Variants in BTK observed in about 807,000 individuals in gnomAD.
BTK encodes tyrosine-protein kinase BTK.
A neutral mutation model predicts 57.4 loss-of-function variants in BTK; 5 were observed. That is an observed-to-expected ratio of 0.09 (90% CI 0.05 to 0.18). The LOEUF is 0.18. BTK is among the 10% of genes least tolerant of loss of function. The pLI, the probability that BTK is intolerant of heterozygous loss-of-function variation, is 1.00. For synonymous variants in BTK, 154 were observed against 174.3 expected (o/e 0.88, Z 0.92); for missense variants, 194 against 501.2 (o/e 0.39, Z 5.85).
At chrX:101,383,283 G>T (rs782156798) in intron 1 of BTK, among the ~76,000 whole-genome samples, 116 of 111,530 alleles carry the variant, frequency 1.0e-3, no homozygotes, top group Non-Finnish European at 1.8e-3. Context: ...TCCAAAAAAA[G>T]ATCTAATGTT....
chrX:101,367,031 G>A (rs1485258768), intron 5 of BTK, among the ~76,000 whole-genome samples: 1 of 111,337 alleles, frequency 9.0e-6, no homozygotes, highest in Non-Finnish European at 1.9e-5. Flanking sequence ...ATCACCTGAG[G>A]TCAGGAGTTC....
chrX:101,381,906 C>T (rs1555981794), intron 1 of BTK, among the ~76,000 whole-genome samples: 2 of 108,699 alleles, frequency 1.8e-5, no homozygotes, highest in African/African-American at 6.7e-5. Context: ...GTGGCGCGCA[C>T]CTGTAATCCC....
chrX:101,356,376 T>C, intron 14 of BTK, 108 bp from the exon 15 acceptor site: 1 of 628,911 alleles, frequency 1.6e-6, no homozygotes. Context: ...AGATAAGGGG[T>C]CACACCAGCA....
intron 3 of BTK, among the ~76,000 whole-genome samples, chrX:101,373,940 G>T (rs1927123534): frequency 9.0e-6 from 1 of 110,644 alleles, no homozygotes; most frequent in African/African-American, 3.3e-5. Context: ...AGCTACTTGG[G>T]AGGCTGAGGC....
chrX:101,368,348 A>G (rs782811599), intron 5 of BTK, among the ~76,000 whole-genome samples: 2 of 112,272 alleles, frequency 1.8e-5, no homozygotes, highest in Non-Finnish European at 3.7e-5. Flanking sequence ...GTAATATTCA[A>G]CATAGCTTTA....
intron 7 of BTK, 82 bp downstream of exon 7, chrX:101,362,091 A>G: frequency 1.0e-6 from 1 of 974,247 alleles, no homozygotes; most frequent in Middle Eastern, 2.6e-4. Flanking sequence ...GTCCCAGGGT[A>G]ATTCTAAGAC....
chrX:101,354,745 A>C (rs1926410534), intron 15 of BTK, 51 bp from the exon 16 acceptor site: 4 of 1,127,576 alleles, frequency 3.5e-6, no homozygotes, highest in Non-Finnish European at 4.9e-6. Context: ...ACAGAGGTTA[A>C]AGGCACAAAG....
At chrX:101,352,162 C>CAAA (rs35710840) in intron 18 of BTK, among the ~76,000 whole-genome samples, 1,538 of 53,621 alleles carry the variant, frequency 0.029, 82 homozygotes, top group East Asian at 0.23. Flanking sequence ...GACTCGGTCT[C>CAAA]AAAAAAAAAA....
intron 18 of BTK, 126 bp from the exon 19 acceptor site, chrX:101,350,082 AC>A: frequency 1.6e-5 from 7 of 431,285 alleles, no homozygotes; most frequent in Admixed American, 1.2e-4. Flanking sequence ...CCTGTCGATT[AC>A]AAAAGGAAAA....
At chrX:101,352,468 A>C (rs1395789368) in intron 18 of BTK, among the ~76,000 whole-genome samples, 1 of 112,010 alleles carries the variant, frequency 8.9e-6, no homozygotes, top group African/African-American at 3.2e-5. Context: ...GGCCAAGGTC[A>C]GAGAATGTGT....
At chrX:101,377,464 T>G (rs927840970) in intron 1 of BTK, among the ~76,000 whole-genome samples, 9 of 111,202 alleles carry the variant, frequency 8.1e-5, no homozygotes, top group Non-Finnish European at 1.5e-4. Context: ...GTCAGAAGCA[T>G]CCCAACAAAC....
chrX:101,355,562 A>ATT, intron 15 of BTK: 9 of 122,712 alleles, frequency 7.3e-5, no homozygotes, highest in Middle Eastern at 4.3e-3. Flanking sequence ...GTAGATTTTC[A>ATT]AGAGAAGCTG....
At chrX:101,350,326 T>A (rs1381889214) in intron 18 of BTK, among the ~76,000 whole-genome samples, 1 of 109,387 alleles carries the variant, frequency 9.1e-6, no homozygotes, top group Admixed American at 9.8e-5. Context: ...AGAAATCCCA[T>A]GTGATAATTT....
At position 101,349,633 on chromosome X, in the gene BTK, A is replaced by G; in HGVS notation, c.*252T>C. On this transcript the variant is annotated 3_prime_UTR_variant, in exon 19 of 19. Transcript: ENST00000308731. ...ATTTACATCCTCCCTCCTAAAAAAT[A>G]TTTTCATCGCAAATTCAGTCTGTCT... is the stretch of plus-strand genomic sequence containing the variant. 1 of 365,168 alleles carries G rather than the reference A, an allele frequency of 2.7e-6. No homozygotes were observed. The highest frequency in any genetic ancestry group is 5.8e-5 in the South Asian group (1 of 17,271). The allele number at this position is 365,168 out of a possible 1,213,427, so 30.1% of individuals were successfully genotyped here. A position where few individuals can be genotyped will look rare whatever the true frequency, so the allele number is the denominator to read the frequency against.
Position 101,349,888 on chromosome X carries a change from G to C in BTK, c.1977C>G (p.Ser659=). 1 of 1,206,445 alleles carries C rather than the reference G, an allele frequency of 8.3e-7. No homozygotes were observed. Among genetic ancestry groups the C allele is most frequent in the Non-Finnish European group, 1.1e-6 (1 of 891,229 alleles). Residue 659 remains serine (S), a synonymous_variant, in exon 19 of 19, where the codon TCC becomes TCG. Transcript: ENST00000308731. ...ACCAAGAAGCTTATTGGCGAGCTCAGGATTCTTCATCCATGACATCTAGAA... is the reference window on the plus strand; with the variant it reads ...ACCAAGAAGCTTATTGGCGAGCTCACGATTCTTCATCCATGACATCTAGAA... ...SNILDVMDEE[S] is the part of the protein sequence containing the mutation.
intron 1 of BTK, among the ~76,000 whole-genome samples, chrX:101,381,217 AT>A (rs1158020367): frequency 9.0e-6 from 1 of 110,780 alleles, no homozygotes. Flanking sequence ...GTTGATGGAC[AT>A]TTAGGTTGTT....
At chrX:101,363,046 A>T (rs1351370393) in intron 5 of BTK, among the ~76,000 whole-genome samples, 1 of 112,377 alleles carries the variant, frequency 8.9e-6, no homozygotes, top group Non-Finnish European at 1.9e-5. Flanking sequence ...GATAAGGGAA[A>T]CAGTGTGCCC....
intron 4 of BTK, among the ~76,000 whole-genome samples, chrX:101,371,390 A>G (rs1176872767): frequency 8.9e-6 from 1 of 112,440 alleles, no homozygotes; most frequent in African/African-American, 3.2e-5. Context: ...ACACTATGAT[A>G]GAATTGGTGC....
intron 11 of BTK, 72 bp downstream of exon 11, chrX:101,358,545 C>T: frequency 8.5e-6 from 10 of 1,173,611 alleles, no homozygotes; most frequent in Non-Finnish European, 1.2e-5. Context: ...GTGGGACGGG[C>T]ACAGCATCAA....
Sources: gnomAD v4.1 joint callset for allele counts (sites outside exome capture counted in the v4.1 genomes callset) on GRCh38, gnomAD v4.1.1 for gene constraint, MANE v1.5 for transcripts, NCBI Gene and HGNC (gene_info 2026-07-23, HGNC 2026-07-21) for gene names.